IGSF11: variants seen among roughly 807,000 people sequenced by gnomAD.
The protein encoded by IGSF11 is immunoglobulin superfamily member 11, also known as CXADR like 1.
In IGSF11, 22 loss-of-function variants were observed where a neutral mutation model predicts 41.0. That is an observed-to-expected ratio of 0.54 (90% confidence interval 0.38 to 0.77). The LOEUF is 0.77. Among genes scored for constraint, IGSF11 ranks in the 30% least tolerant of loss-of-function variants. The pLI is 0.00. For missense variants in IGSF11, 444 were observed against 530.8 expected (o/e 0.84, Z 1.61); for synonymous variants, 219 against 201.3 (o/e 1.09, Z -0.74).
chr3:118,943,456 G>A (rs137914282), intron 1 of IGSF11, among the ~76,000 whole-genome samples: 1 of 152,274 alleles, frequency 6.6e-6, no homozygotes, highest in East Asian at 1.9e-4. Context: ...CAGGGAATGG[G>A]CAGAGAAAAC....
chr3:119,138,985 T>A (rs552621714), intron 1 of IGSF11, among the ~76,000 whole-genome samples: 1 of 152,032 alleles, frequency 6.6e-6, no homozygotes, highest in Non-Finnish European at 1.5e-5. Context: ...AGAAAAAAAA[T>A]TAATTCTACA....
chr3:119,042,643 C>A (rs923400178), intron 1 of IGSF11, among the ~76,000 whole-genome samples: 1 of 152,150 alleles, frequency 6.6e-6, no homozygotes, highest in Non-Finnish European at 1.5e-5. Context: ...TAAGCTCAGA[C>A]CTGCCTAACA....
chr3:119,030,663 C>T (rs1403228255), intron 1 of IGSF11, among the ~76,000 whole-genome samples: 2 of 152,092 alleles, frequency 1.3e-5, no homozygotes, highest in East Asian at 1.9e-4. Context: ...TTTTTGAATA[C>T]CACCCAAGAA....
chr3:119,089,757 G>A (rs2717269), intron 1 of IGSF11, among the ~76,000 whole-genome samples: 34,088 of 152,048 alleles, frequency 0.22, 4,297 homozygotes, highest in Non-Finnish European at 0.28. Context: ...GGGCACAATG[G>A]CTCACACCTG....
intron 1 of IGSF11, among the ~76,000 whole-genome samples, chr3:119,085,943 GGC>G (rs1209228780): frequency 2.0e-5 from 3 of 152,230 alleles, no homozygotes; most frequent in African/African-American, 7.2e-5. Context: ...TGTGGGAGTT[GGC>G]CTGAGCAAAG....
intron 1 of IGSF11, among the ~76,000 whole-genome samples, chr3:118,991,543 C>T (rs1458036122): frequency 6.6e-6 from 1 of 152,132 alleles, no homozygotes; most frequent in Non-Finnish European, 1.5e-5. Flanking sequence ...AACAAGTATA[C>T]AAAATTAAAT....
chr3:119,001,814 T>C (rs1936911534), intron 1 of IGSF11, among the ~76,000 whole-genome samples: 1 of 143,736 alleles, frequency 7.0e-6, no homozygotes, highest in Non-Finnish European at 1.5e-5. Flanking sequence ...TCATTTTTTA[T>C]GGCTGCATAG....
intron 4 of IGSF11, among the ~76,000 whole-genome samples, chr3:118,907,110 T>C (rs1352142146): frequency 6.6e-6 from 1 of 152,184 alleles, no homozygotes; most frequent in Admixed American, 6.5e-5. Flanking sequence ...AGTCCAAGTA[T>C]GCCTGGGGCA....
intron 1 of IGSF11, among the ~76,000 whole-genome samples, chr3:119,004,261 G>C (rs1426507480): frequency 6.6e-6 from 1 of 151,712 alleles, no homozygotes; most frequent in Admixed American, 6.6e-5. Flanking sequence ...AGAGGTGTTT[G>C]TAGTATTCTC....
At chr3:118,988,044 G>A (rs1036672633) in intron 1 of IGSF11, among the ~76,000 whole-genome samples, 1 of 152,196 alleles carries the variant, frequency 6.6e-6, no homozygotes, top group Non-Finnish European at 1.5e-5. Flanking sequence ...AAGGTCTGAA[G>A]CAAAAGCAAG....
intron 3 of IGSF11, among the ~76,000 whole-genome samples, 167 bp from the exon 4 acceptor site, chr3:118,926,423 C>A (rs1023750783): frequency 6.6e-6 from 1 of 152,254 alleles, no homozygotes; most frequent in East Asian, 1.9e-4. Context: ...TGTACCAATT[C>A]ACGAGGCTTA....
chr3:118,989,720 T>G (rs1197273153), intron 1 of IGSF11, among the ~76,000 whole-genome samples: 2 of 152,240 alleles, frequency 1.3e-5, no homozygotes, highest in East Asian at 3.8e-4. Context: ...TGAGGCTATC[T>G]TATGTTTTTT....
intron 1 of IGSF11, among the ~76,000 whole-genome samples, chr3:119,128,927 A>G (rs113764646): frequency 0.13 from 19,938 of 152,224 alleles, 1,335 homozygotes; most frequent in East Asian, 0.18. Context: ...ATTCCCATCA[A>G]TGACAGGCTG....
In IGSF11 at chr3:118,902,208, C is replaced by G. The variant is rs927819118; in HGVS notation, c.*312G>C. ...AAATTATTAAGTTAGGCATGAAGAA[C>G]AAGCCCATCTGGGCGGCAGTTTGGA... On this transcript the variant is annotated 3_prime_UTR_variant, in exon 7 of 7. Transcript: ENST00000393775. 1 of 244,562 alleles carries G rather than the reference C, an allele frequency of 4.1e-6. No homozygotes were observed. The highest frequency in any genetic ancestry group is 7.9e-6 in the Non-Finnish European group (1 of 126,706). The allele number at this position is 244,562 out of a possible 1,614,324, so 15.1% of individuals were successfully genotyped here. A position where few individuals can be genotyped will look rare whatever the true frequency, so the allele number is the denominator to read the frequency against.
At position 118,946,834 on chromosome 3, in the gene IGSF11, G is replaced by A. The variant is rs566638185; in HGVS notation, c.53-16559C>T. Among the ~76,000 whole-genome samples, 44 of 152,266 alleles carry A rather than the reference G, an allele frequency of 2.9e-4. No individual in the cohort carries two copies. In the East Asian group the frequency reaches 6.2e-3, roughly 21 times the overall value. On this transcript the variant is annotated intron_variant, in intron 1 of 6. Coordinates refer to ENST00000393775, the MANE Select transcript of IGSF11 (RefSeq NM_001015887.3). ...AACTGCTTAACAAATGCACATGGCC[G>A]GGCGCAGTGGCTCACGCCTGTAATC...
chr3:119,068,195 A>G (rs941331454), intron 1 of IGSF11, among the ~76,000 whole-genome samples: 1 of 152,226 alleles, frequency 6.6e-6, no homozygotes, highest in African/African-American at 2.4e-5. Context: ...AAGGCATACC[A>G]GCAGTGGATC....
intron 1 of IGSF11, among the ~76,000 whole-genome samples, chr3:119,056,328 A>T (rs2107444605): frequency 6.6e-6 from 1 of 152,364 alleles, no homozygotes; most frequent in South Asian, 2.1e-4. Context: ...CTACCATCAG[A>T]GAATACTATA....
At chr3:119,098,230 G>A (rs985792314) in intron 1 of IGSF11, among the ~76,000 whole-genome samples, 11 of 151,978 alleles carry the variant, frequency 7.2e-5, no homozygotes, top group Admixed American at 7.2e-4. Flanking sequence ...GTGATGTGTG[G>A]CAGATTACTT....
At chr3:118,987,387 T>C (rs1935364054) in intron 1 of IGSF11, among the ~76,000 whole-genome samples, 1 of 152,130 alleles carries the variant, frequency 6.6e-6, no homozygotes, top group South Asian at 2.1e-4. Context: ...GAACAAATGG[T>C]GGACATTGAG....
Sources: allele counts gnomAD v4.1 joint callset (sites outside exome capture counted in the v4.1 genomes callset), GRCh38; gene constraint gnomAD v4.1.1; transcripts MANE v1.5; gene names NCBI Gene and HGNC (gene_info 2026-07-23, HGNC 2026-07-21).